The following TCN1 variants were observed in gnomAD, a reference collection of about 807,000 sequenced individuals.
The protein encoded by TCN1 is transcobalamin-1.
TCN1 carries 47 observed loss-of-function variants against 46.3 expected under a neutral mutation model. The observed-to-expected ratio is 1.01, with a 90% CI of 0.80 to 1.29. The LOEUF (loss-of-function observed/expected upper bound fraction) is 1.29, where lower values mean the gene tolerates loss of function less well. TCN1 is among the 50% of genes most tolerant of loss of function. The probability of loss-of-function intolerance (pLI) is 0.00; values close to 1 mark genes in which losing one functional copy is unlikely to be tolerated. For synonymous variants in TCN1, 183 were observed against 192.5 expected, an observed-to-expected ratio of 0.95 and a Z score of 0.41; for missense variants, 532 against 511.0, an observed-to-expected ratio of 1.04 and a Z score of -0.40.
Position 59,852,948 on chromosome 11 carries a change from T to C in TCN1, c.*27A>G. The stretch of plus-strand genomic sequence containing the variant: ...ATGGAACTCCACTGCAAATGGATTT[T>C]ATGCAGCTGAGGAAAGTTTGGGCTT... On this transcript the variant is annotated 3_prime_UTR_variant, in exon 9 of 9. Transcript: ENST00000257264. 1 of 1,611,202 alleles carries C rather than the reference T, an allele frequency of 6.2e-7. No homozygotes were observed. Among genetic ancestry groups the C allele is most frequent in the South Asian group, 1.1e-5 (1 of 91,036 alleles).
At chr11:59,853,710 A>G (rs1341248554) in intron 7 of TCN1, among the ~76,000 whole-genome samples, 3 of 152,328 alleles carry the variant, frequency 2.0e-5, no homozygotes, top group South Asian at 2.1e-4. Context: ...TAGAGACACC[A>G]TAAGTTACTG....
At chr11:59,853,123 G>T in intron 8 of TCN1, 80 bp downstream of exon 8, 1 of 1,598,464 alleles carries the variant, frequency 6.3e-7, no homozygotes, top group Non-Finnish European at 8.6e-7. Context: ...TAACCCCTTG[G>T]CCCAATCCCC....
Position 59,859,097 on chromosome 11 carries a change from TA to T in TCN1, c.726del (p.Phe242LeufsTer28), listed in dbSNP as rs1402089209. On this transcript the variant is annotated frameshift_variant, in exon 5 of 9. Transcript: ENST00000257264. LOFTEE classifies it high-confidence loss of function. Reference protein sequence around the residue: ...KKENGLIGNTFSTGEAMQALF... With the variant: ...KKENGLIGNTXSTGEAMQALF... The stretch of plus-strand genomic sequence containing the variant: ...CTTACCTGCATGGCTTCTCCTGTGC[TA>T]AATGTGTTTCCAATGAGACCATTTT... 2.5e-6 allele frequency: 4 copies of T among 1,613,710 alleles called. No homozygotes were observed. The highest frequency in any genetic ancestry group is 3.4e-6 in the Non-Finnish European group (4 of 1,180,050).
intron 7 of TCN1, 119 bp downstream of exon 7, chr11:59,854,533 G>T: frequency 1.9e-6 from 2 of 1,068,808 alleles, no homozygotes; most frequent in Non-Finnish European, 2.8e-6. Context: ...TAGATGGACA[G>T]CAAAGCTACT....
At chr11:59,856,182 A>G in intron 5 of TCN1, 124 bp from the exon 6 acceptor site, 1 of 743,356 alleles carries the variant, frequency 1.3e-6, no homozygotes, top group South Asian at 1.7e-5. Flanking sequence ...TTCAGTATTA[A>G]TTGAACATTG....
In TCN1 at chr11:59,853,193, T is replaced by G; in HGVS notation, c.1240+10A>C. ...TTAGCATGGGTCTTTTTGGCATGTC[T>G]CTCCCTTACCTTGGCTCAGTGGTTC... On this transcript the variant is annotated intron_variant, in intron 8 of 8. Transcript: ENST00000257264. 3.1e-6 allele frequency: 5 copies of G among 1,614,016 alleles called. No individual in the cohort carries two copies. Among genetic ancestry groups the G allele is most frequent in the Non-Finnish European group, 4.2e-6 (5 of 1,179,894 alleles).
At chr11:59,857,394 A>G (rs1852955866) in intron 5 of TCN1, among the ~76,000 whole-genome samples, 2 of 152,186 alleles carry the variant, frequency 1.3e-5, no homozygotes, top group South Asian at 4.1e-4. Context: ...TATTCAGTTC[A>G]AACTTAGTAA....
At chr11:59,863,478 C>T (rs138028612) in intron 2 of TCN1, among the ~76,000 whole-genome samples, 1,670 of 151,878 alleles carry the variant, frequency 0.011, 31 homozygotes, top group African/African-American at 0.038. Context: ...CTTCTTTTCC[C>T]CTTATACTAA....
At chr11:59,859,729 C>A (rs920401393) in intron 4 of TCN1, among the ~76,000 whole-genome samples, 9 of 152,206 alleles carry the variant, frequency 5.9e-5, no homozygotes, top group Non-Finnish European at 1.3e-4. Context: ...TAAAGCCAAG[C>A]TCCTGGAGGT....
At chr11:59,853,672 A>G (rs545153097) in intron 7 of TCN1, among the ~76,000 whole-genome samples, 13 of 152,300 alleles carry the variant, frequency 8.5e-5, no homozygotes, top group Admixed American at 6.5e-4. Context: ...ATACTGATTC[A>G]GTAGAAGAAC....
intron 6 of TCN1, among the ~76,000 whole-genome samples, chr11:59,855,573 A>G (rs545289440): frequency 6.6e-6 from 1 of 152,332 alleles, no homozygotes; most frequent in East Asian, 1.9e-4. Flanking sequence ...GATGAGAATG[A>G]TGCTCAGATC....
chr11:59,856,035 A>G lies in TCN1; in HGVS notation c.771T>C (p.Tyr257=). The change falls in exon 6 of 9, where the codon TAT becomes TAC. Residue 257 remains tyrosine (Y), a synonymous_variant. Transcript: ENST00000257264. ...AMQALFVSSD[Y]YNENDWNCQQ... Reference sequence around the variant, plus strand: ...GGCAATTCCAGTCATTTTCATTATAATAGTCTGATGATACAAAGAGGGCCT... The same window carrying G: ...GGCAATTCCAGTCATTTTCATTATAGTAGTCTGATGATACAAAGAGGGCCT... 1 of 1,309,226 alleles carries G rather than the reference A, an allele frequency of 7.6e-7. No individual in the cohort carries two copies. The highest frequency in any genetic ancestry group is 4.6e-5 in the East Asian group (1 of 21,808). 81.1% of individuals were successfully genotyped at this position (1,309,226 alleles called of 1,614,324 possible). A position where few individuals can be genotyped will look rare whatever the true frequency, so the allele number is the denominator to read the frequency against.
At position 59,856,074 on chromosome 11, in the gene TCN1, G is replaced by A; in HGVS notation, c.748-16C>T. ...CAAAGAGGGCCTAATGAGGCAGGGTGGGGTGGGGGGGTGATGAGAGATAAA... is the reference window on the plus strand; with the variant it reads ...CAAAGAGGGCCTAATGAGGCAGGGTAGGGTGGGGGGGTGATGAGAGATAAA... On this transcript the variant is annotated splice_polypyrimidine_tract_variant and intron_variant, in intron 5 of 8. Transcript: ENST00000257264. 1 of 1,470,552 alleles carries A rather than the reference G, an allele frequency of 6.8e-7. No individual in the cohort carries two copies. The highest frequency in any genetic ancestry group is 9.5e-7 in the Non-Finnish European group (1 of 1,055,104). 91.1% of individuals were successfully genotyped at this position (1,470,552 alleles called of 1,614,324 possible).
At position 59,863,960 on chromosome 11, in the gene TCN1, T is replaced by G. The variant is rs1268690397; in HGVS notation, c.206A>C (p.Gln69Pro). Residue 69 changes from glutamine (Q) to proline (P), a missense_variant, in exon 2 of 9, where the codon CAA becomes CCA. Gln to Pro is a moderately conservative substitution (Grantham distance 76, BLOSUM62 -1). Transcript: ENST00000257264. Reference protein sequence around the residue: ...LSLKLVGIQIQTLMQKMIQQI... With the variant: ...LSLKLVGIQIPTLMQKMIQQI... The stretch of plus-strand genomic sequence containing the variant: ...TTGGATCATCTTTTGCATCAGGGTT[T>G]GGATCTGGATTCCAACAAGTTTGAG... 2 of 1,614,014 alleles carry G rather than the reference T, an allele frequency of 1.2e-6. No homozygotes were observed. Among genetic ancestry groups the G allele is most frequent in the Admixed American group, 1.7e-5 (1 of 60,014 alleles).
In TCN1 at chr11:59,855,930, A is replaced by G. The variant is rs1454463535; in HGVS notation, c.876T>C (p.Pro292=). The G allele has an allele frequency of 2.5e-6, 4 of 1,613,782 alleles. No homozygotes were observed. The highest frequency in any genetic ancestry group is 3.4e-6 in the Non-Finnish European group (4 of 1,179,814). ...SNPNAAAQVL[P]ALMGKTFLDI... ...CCAAGAAGGTCTTTCCCATCAGGGC[A>G]GGTAAGACCTGGGCTGCAGCGTTTG... Residue 292 remains proline, a synonymous_variant, in exon 6 of 9, where the codon CCT becomes CCC. Coordinates refer to ENST00000257264, the MANE Select transcript of TCN1 (RefSeq NM_001062.4).
chr11:59,854,595 A>T (rs1852905913), intron 7 of TCN1, 57 bp downstream of exon 7: 1 of 1,566,108 alleles, frequency 6.4e-7, no homozygotes, highest in African/African-American at 1.4e-5. Context: ...ATGCATTCTT[A>T]CTGCATCTTT....
In TCN1 at chr11:59,861,660, C is replaced by T; in HGVS notation, c.423G>A (p.Leu141=). The part of the protein sequence containing the change: ...ENMEAHNGTP[L]TNYYQLSLDV... ...CCAGGCTGAGCTGGTAGTAGTTAGT[C>T]AGGGGAGTGCCATTGTGTGCTTCTA... Residue 141 remains leucine, a synonymous_variant, in exon 4 of 9, where the codon CTG becomes CTA. Coordinates refer to ENST00000257264, the MANE Select transcript of TCN1 (RefSeq NM_001062.4). 1 of 1,614,122 alleles carries T rather than the reference C, an allele frequency of 6.2e-7. No homozygotes were observed. The highest frequency in any genetic ancestry group is 1.7e-5 in the Admixed American group (1 of 60,026).
chr11:59,861,735 G>A (rs1853017731), intron 3 of TCN1, 53 bp from the exon 4 acceptor site: 3 of 1,576,730 alleles, frequency 1.9e-6, no homozygotes, highest in Admixed American at 1.7e-5. Context: ...AATGGCGTAT[G>A]CATTTTCCAT....
rs1271366357 is a variant in TCN1 at position 59,853,293 on chromosome 11, G to A, written c.1150C>T (p.Pro384Ser). 8 of 1,614,042 alleles carry A rather than the reference G, an allele frequency of 5.0e-6. 1 individual carries two copies. The highest frequency in any genetic ancestry group is 4.5e-5 in the East Asian group (2 of 44,866). The change falls in exon 8 of 9, where the codon CCC becomes TCC. Residue 384 changes from proline (P) to serine (S), a missense_variant. By Grantham distance (74) the Pro-to-Ser change is moderately conservative (BLOSUM62 -1). Coordinates refer to ENST00000257264, the MANE Select transcript of TCN1 (RefSeq NM_001062.4). ...AGGCCCTGAATACAGGTGATATAGGGCCCCCATGAGCGCTCCTCCATTGTG... is the reference window on the plus strand; with the variant it reads ...AGGCCCTGAATACAGGTGATATAGGACCCCCATGAGCGCTCCTCCATTGTG... ...GFTMEERSWGPYITCIQGLCA... is the reference protein window; with the variant it reads ...GFTMEERSWGSYITCIQGLCA...
Sources: gnomAD v4.1 joint callset for allele counts (sites outside exome capture counted in the v4.1 genomes callset) on GRCh38, gnomAD v4.1.1 for gene constraint, MANE v1.5 for transcripts, NCBI Gene and HGNC (gene_info 2026-07-23, HGNC 2026-07-21) for gene names.